MIS18BP1: variants seen among roughly 807,000 people sequenced by gnomAD.
MIS18BP1 encodes MIS18 binding protein 1, also known as mis18-binding protein 1.
MIS18BP1 carries 72 observed loss-of-function variants against 116.1 expected under a neutral mutation model. That is an observed-to-expected ratio of 0.62 (90% CI 0.51 to 0.75). The LOEUF is 0.75. MIS18BP1 is among the 30% of genes least tolerant of loss of function. The pLI is 0.00. For synonymous variants in MIS18BP1, 386 were observed against 427.0 expected (o/e 0.90, Z 1.18); for missense variants, 1,363 against 1,303.2 (o/e 1.05, Z -0.71).
At chr14:45,243,850 C>G (rs1453282660) in intron 2 of MIS18BP1, among the ~76,000 whole-genome samples, 1 of 152,044 alleles carries the variant, frequency 6.6e-6, no homozygotes, top group Non-Finnish European at 1.5e-5. Flanking sequence ...AAAGTATATA[C>G]AAAATTTGTG....
chr14:45,217,226 T>G (rs756545573), intron 12 of MIS18BP1, 47 bp from the exon 13 acceptor site: 19 of 1,573,936 alleles, frequency 1.2e-5, no homozygotes, highest in Middle Eastern at 3.4e-4. Context: ...TTATTTATAG[T>G]AACTGCTCTA....
At chr14:45,231,834 C>T (rs1030767217) in intron 7 of MIS18BP1, among the ~76,000 whole-genome samples, 3 of 151,968 alleles carry the variant, frequency 2.0e-5, no homozygotes, top group Non-Finnish European at 4.4e-5. Flanking sequence ...CTATGAGCTC[C>T]ACAAGGGCAA....
In MIS18BP1 at chr14:45,244,021, T is replaced by C. The variant is rs184017783; in HGVS notation, c.545-1147A>G. On this transcript the variant is annotated intron_variant, in intron 2 of 16. Transcript: ENST00000310806. ...TCTCCCAGGCTATATGAGAAATAGA[T>C]GACTTTGTGAGTCTCCCCACTTCTA... 4.2e-3 allele frequency among the ~76,000 whole-genome samples: 645 copies of C among 152,296 alleles called. 2 individuals are homozygous for C. The highest frequency in any genetic ancestry group is 6.3e-3 in the Non-Finnish European group (426 of 68,004).
chr14:45,248,891 T>C (rs1039704467), intron 1 of MIS18BP1, among the ~76,000 whole-genome samples: 2 of 152,138 alleles, frequency 1.3e-5, no homozygotes, highest in Admixed American at 6.5e-5. Context: ...TTAGAAGTTA[T>C]AATATTAGCC....
chr14:45,235,378 T>G (rs1449817819), intron 6 of MIS18BP1, among the ~76,000 whole-genome samples: 1 of 151,910 alleles, frequency 6.6e-6, no homozygotes, highest in Non-Finnish European at 1.5e-5. Context: ...TTTTGTGCCA[T>G]GTTGGAAGTG....
rs376328448 is a variant in MIS18BP1, at chr14:45,224,230, G to A, written c.2357C>T (p.Ala786Val). The A allele has an allele frequency of 4.3e-6, 7 of 1,613,688 alleles. No homozygotes were observed. The African/African-American group carries it at 9.3e-5, about 22-fold the overall frequency. The change falls in exon 11 of 17, where the codon GCT (alanine) becomes GTT (valine). Residue 786 changes from alanine to valine, a missense_variant. Physicochemically the swap from Ala to Val is moderately conservative, Grantham distance 64. Transcript: ENST00000310806. ...SETEKEIKRK[A>V]EVKKTKAGNT... ...TCCTGCTTTGGTTTTCTTAACTTCAGCTTTCCTTTTAATTTCCTTTTCTGT... is the reference window on the plus strand; with the variant it reads ...TCCTGCTTTGGTTTTCTTAACTTCAACTTTCCTTTTAATTTCCTTTTCTGT...
Position 45,226,754 on chromosome 14 carries a change from C to CT in MIS18BP1, c.1828dup (p.Ser610LysfsTer8), listed in dbSNP as rs1293987477. On this transcript the variant is annotated frameshift_variant, in exon 10 of 17. Transcript: ENST00000310806. LOFTEE classifies it high-confidence loss of function. Reference sequence around the variant, plus strand: ...TAAAGATATATTACCTTGCTTCTGACTTTTTATTATCCTTTCATTTGTTCT... The same window carrying CT: ...TAAAGATATATTACCTTGCTTCTGACTTTTTTATTATCCTTTCATTTGTTCT... The CT allele has an allele frequency of 7.2e-7, 1 of 1,393,542 alleles. No individual in the cohort carries two copies. The highest frequency in any genetic ancestry group is 9.5e-7 in the Non-Finnish European group (1 of 1,050,852). The allele number at this position is 1,393,542 out of a possible 1,614,324, so 86.3% of individuals were successfully genotyped here.
rs182965956 is a variant in MIS18BP1, at chr14:45,253,063, C to G, written c.-120G>C. 1 of 152,506 alleles carries G rather than the reference C, an allele frequency of 6.6e-6. No homozygotes were observed. The highest frequency in any genetic ancestry group is 1.5e-5 in the Non-Finnish European group (1 of 68,140). The allele number at this position is 152,506 out of a possible 1,614,324, so 9.4% of individuals were successfully genotyped here. On this transcript the variant is annotated 5_prime_UTR_variant, in exon 1 of 17. Transcript: ENST00000310806. ...GGATGAAGAGCCTGGCAGGGAGAGA[C>G]TGCCGCAGTTCCGGCTCGGCTCCGC...
At chr14:45,220,714 ATTTG>A (rs1265951141) in intron 11 of MIS18BP1, among the ~76,000 whole-genome samples, 2 of 152,144 alleles carry the variant, frequency 1.3e-5, no homozygotes, top group African/African-American at 4.8e-5. Flanking sequence ...ATGCACCCTA[ATTTG>A]TTTATGTAGA....
rs537820321 is a variant in MIS18BP1 at position 45,213,575 on chromosome 14, A to G, written c.3004-3047T>C. 1.7e-4 allele frequency among the ~76,000 whole-genome samples: 26 copies of G among 152,310 alleles called. No individual in the cohort carries two copies. The South Asian group carries it at 5.2e-3, about 30-fold the overall frequency. On this transcript the variant is annotated intron_variant, in intron 13 of 16. Coordinates refer to ENST00000310806, the MANE Select transcript of MIS18BP1 (RefSeq NM_018353.5). ...GTTTTGTGGTCCAGTCTCTGTCCTA[A>G]CTACTCAACTCTGCACCGTAGCATG...
At chr14:45,252,652 TTAAC>T (rs1452999668) in intron 1 of MIS18BP1, among the ~76,000 whole-genome samples, 2 of 152,160 alleles carry the variant, frequency 1.3e-5, no homozygotes, top group African/African-American at 4.8e-5. Context: ...AGCATGCAAT[TTAAC>T]CAGAAGAAAA....
intron 5 of MIS18BP1, among the ~76,000 whole-genome samples, chr14:45,236,483 A>G (rs769718456): frequency 2.0e-5 from 3 of 152,184 alleles, no homozygotes; most frequent in Non-Finnish European, 2.9e-5. Flanking sequence ...ATATTTCTTT[A>G]AAGAATATGA....
intron 5 of MIS18BP1, among the ~76,000 whole-genome samples, chr14:45,237,045 G>A (rs1422917837): frequency 2.8e-5 from 4 of 140,688 alleles, no homozygotes; most frequent in East Asian, 2.0e-4. Context: ...ACAGAGTCTC[G>A]CTCTGTCACC....
At position 45,227,710 on chromosome 14, in the gene MIS18BP1, C is replaced by T. The variant is rs111929061; in HGVS notation, c.1699G>A (p.Val567Ile). 2,311 of 1,613,776 alleles carry T rather than the reference C, an allele frequency of 1.4e-3. 41 individuals carry two copies. In the African/African-American group the frequency reaches 0.026, roughly 18 times the overall value. ...CCTCCATTTTGAATAGTATTATTTA[C>T]TTGGTCATCTGGGAACCTTAATGTT... ...KPTLRFPDDQ[V>I]NNTIQNGGGD... The change falls in exon 9 of 17, where the codon GTA becomes ATA. Residue 567 changes from valine (V) to isoleucine (I), a missense_variant. Coordinates refer to ENST00000310806, the MANE Select transcript of MIS18BP1 (RefSeq NM_018353.5).
Position 45,240,042 on chromosome 14 carries a change from T to C in MIS18BP1, c.1143+1992A>G, listed in dbSNP as rs529853943. Reference sequence around the variant, plus strand: ...ATTTGAGATGCCTATCTGATATCAATAGAAAAGTCATATAGACAACTGCAC... The same window carrying C: ...ATTTGAGATGCCTATCTGATATCAACAGAAAAGTCATATAGACAACTGCAC... On this transcript the variant is annotated intron_variant, in intron 4 of 16. Transcript: ENST00000310806. 9.2e-5 allele frequency among the ~76,000 whole-genome samples: 14 copies of C among 152,276 alleles called. No individual in the cohort carries two copies. In the South Asian group the frequency reaches 2.7e-3, roughly 29 times the overall value.
intron 10 of MIS18BP1, 120 bp from the exon 11 acceptor site, chr14:45,224,866 T>A: frequency 2.8e-6 from 2 of 717,144 alleles, no homozygotes; most frequent in South Asian, 2.1e-5. Flanking sequence ...AGCTACACTG[T>A]ATACCCACCT....
intron 13 of MIS18BP1, among the ~76,000 whole-genome samples, chr14:45,214,090 T>C (rs111407402): frequency 0.078 from 11,934 of 152,266 alleles, 617 homozygotes; most frequent in South Asian, 0.16. Context: ...GCCTGAGATA[T>C]GGCCTCGTGG....
rs142110457 is a variant in MIS18BP1 at position 45,250,337 on chromosome 14, TAAAC to T, written c.-92+2694_-92+2697del. On this transcript the variant is annotated intron_variant, in intron 1 of 16. Transcript: ENST00000310806. ...GACCACAGAGGCTCTGCAGAATAGA[TAAAC>T]AAGAAAAACCACTGGGTCTAGATAA... Among the ~76,000 whole-genome samples the T allele has an allele frequency of 5.0e-4, 76 of 152,206 alleles. No homozygotes were observed. In the East Asian group the frequency reaches 0.015, roughly 29 times the overall value.
At chr14:45,221,335 G>C (rs1309948238) in intron 11 of MIS18BP1, among the ~76,000 whole-genome samples, 1 of 152,066 alleles carries the variant, frequency 6.6e-6, no homozygotes, top group Admixed American at 6.6e-5. Context: ...TACTCGGGAG[G>C]CTGAGGCAGG....
Sources: gnomAD v4.1 joint callset for allele counts (sites outside exome capture counted in the v4.1 genomes callset) on GRCh38, gnomAD v4.1.1 for gene constraint, MANE v1.5 for transcripts, NCBI Gene and HGNC (gene_info 2026-07-23, HGNC 2026-07-21) for gene names.